Variants in USP33 observed in about 807,000 individuals in gnomAD.
USP33 encodes the protein ubiquitin carboxyl-terminal hydrolase 33.
USP33 carries 46 observed loss-of-function variants against 124.2 expected under a neutral mutation model. The ratio of observed to expected loss-of-function variants is 0.37; its 90% confidence interval spans 0.29 to 0.47. The LOEUF is 0.47. Ranked by LOEUF, USP33 falls within the 20% of genes least tolerant of loss-of-function variation. The pLI, the probability that USP33 is intolerant of heterozygous loss-of-function variation, is 0.99. For missense variants in USP33, 851 were observed against 1,070.6 expected (o/e 0.79, Z 2.86); for synonymous variants, 350 against 352.3 (o/e 0.99, Z 0.07).
rs1389725160 is a variant in USP33, at chr1:77,741,810, CAAAAAATA to C, written c.-51-70_-51-63del. ...ATGCTTACAATGCCTGCAAAGATTC[CAAAAAATA>C]AAAAAATTAAAATGTTAACATATTA... On this transcript the variant is annotated intron_variant, in intron 1 of 23. Transcript: ENST00000370794. The C allele has an allele frequency of 3.6e-6, 5 of 1,395,706 alleles. No homozygotes were observed. In the South Asian group the frequency reaches 7.9e-5, roughly 22 times the overall value. The allele number at this position is 1,395,706 out of a possible 1,614,324, so 86.5% of individuals were successfully genotyped here. A position where few individuals can be genotyped will look rare whatever the true frequency, so the allele number is the denominator to read the frequency against.
rs760468523 is a variant in USP33, at chr1:77,742,656, T to C, written c.-51-908A>G. Among the ~76,000 whole-genome samples the C allele has an allele frequency of 1.4e-4, 22 of 152,294 alleles. No homozygotes were observed. The East Asian group carries it at 3.9e-3, about 27-fold the overall frequency. Reference sequence around the variant, plus strand: ...ATTTGGTATTCCTAGATCTTTTGGTTGTACCTTTTTAATAACAGGGCTTTT... The same window carrying C: ...ATTTGGTATTCCTAGATCTTTTGGTCGTACCTTTTTAATAACAGGGCTTTT... On this transcript the variant is annotated intron_variant, in intron 1 of 23. Coordinates refer to ENST00000370794, the MANE Select transcript of USP33 (RefSeq NM_201624.3).
At chr1:77,717,725 G>A in intron 17 of USP33, 142 bp downstream of exon 17, 2 of 578,092 alleles carry the variant, frequency 3.5e-6, no homozygotes, top group Non-Finnish European at 5.4e-6. Context: ...GCCCAAGCTG[G>A]TCTCAAACTC....
intron 21 of USP33, among the ~76,000 whole-genome samples, chr1:77,707,346 A>G (rs1056940541): frequency 6.6e-6 from 1 of 151,998 alleles, no homozygotes; most frequent in African/African-American, 2.4e-5. Flanking sequence ...GCATCATTCC[A>G]ATCTCTGCCT....
At chr1:77,739,229 G>C in intron 5 of USP33, 36 bp downstream of exon 5, 1 of 1,582,104 alleles carries the variant, frequency 6.3e-7, no homozygotes, top group Non-Finnish European at 8.6e-7. Flanking sequence ...TTACCGGAAT[G>C]TTTTACAGCT....
At chr1:77,706,088 G>A (rs1193076994) in intron 21 of USP33, among the ~76,000 whole-genome samples, 2 of 151,896 alleles carry the variant, frequency 1.3e-5, no homozygotes, top group Non-Finnish European at 2.9e-5. Flanking sequence ...TCCAGTTTTG[G>A]GCAATTATGA....
At position 77,717,985 on chromosome 1, in the gene USP33, G is replaced by T. The variant is rs41313399; in HGVS notation, c.1800C>A (p.Thr600=). The T allele has an allele frequency of 0.027, 43,233 of 1,613,652 alleles. 690 individuals are homozygous for T. Among genetic ancestry groups the T allele is most frequent in the Middle Eastern group, 0.079 (477 of 6,060 alleles). The part of the protein sequence containing the change: ...HELMFSTKIS[T]HVSFPLEGLD... The stretch of plus-strand genomic sequence containing the variant: ...AGCCTTCTAGCGGAAATGAAACATG[G>T]GTACTGATTTTGGTGGAAAACATTA... Residue 600 remains threonine (T), a synonymous_variant, in exon 17 of 24, where the codon ACC becomes ACA. Transcript: ENST00000370794.
rs1676802376 is a variant in USP33, at chr1:77,723,450, T to C, written c.1277-7A>G. On this transcript the variant is annotated splice_region_variant and splice_polypyrimidine_tract_variant and intron_variant, in intron 11 of 23. Transcript: ENST00000370794. ...TTTGGAGATGCAGACTGAGCTAGGA[T>C]TGAAAAACATTAAAAAAAAATCAAA... is the stretch of plus-strand genomic sequence containing the variant. 1.9e-6 allele frequency: 3 copies of C among 1,565,466 alleles called. No individual in the cohort carries two copies. Among genetic ancestry groups the C allele is most frequent in the Non-Finnish European group, 2.6e-6 (3 of 1,152,332 alleles).
At chr1:77,720,289 G>A (rs1676442571) in intron 15 of USP33, 1 of 982,984 alleles carries the variant, frequency 1.0e-6, no homozygotes, top group Non-Finnish European at 1.2e-6. Context: ...TTTGAATATG[G>A]AGGTAGATGC....
intron 1 of USP33, among the ~76,000 whole-genome samples, chr1:77,752,310 T>C (rs1017763353): frequency 6.6e-6 from 1 of 152,046 alleles, no homozygotes; most frequent in Non-Finnish European, 1.5e-5. Context: ...GCTAAATTTT[T>C]GTATTTTTAG....
chr1:77,745,124 A>G (rs1049213443), intron 1 of USP33, among the ~76,000 whole-genome samples: 1 of 152,178 alleles, frequency 6.6e-6, no homozygotes, highest in African/African-American at 2.4e-5. Context: ...GGGTGCATAT[A>G]TATTTAGGAT....
intron 15 of USP33, 21 bp downstream of exon 15, chr1:77,721,151 A>T (rs1324427517): frequency 6.2e-7 from 1 of 1,613,392 alleles, no homozygotes; most frequent in Non-Finnish European, 8.5e-7. Context: ...TGCAATTAAA[A>T]GCACTGTCAA....
intron 1 of USP33, among the ~76,000 whole-genome samples, chr1:77,756,591 G>C (rs1447793256): frequency 6.6e-6 from 1 of 152,142 alleles, no homozygotes; most frequent in Non-Finnish European, 1.5e-5. Flanking sequence ...TTATCAGTGA[G>C]GATTGACTGT....
intron 1 of USP33, among the ~76,000 whole-genome samples, chr1:77,754,789 T>C (rs1407438819): frequency 7.2e-5 from 11 of 152,276 alleles, no homozygotes; most frequent in Admixed American, 5.9e-4. Context: ...TCTAACTGAG[T>C]TCTCTGGCTA....
chr1:77,700,325 C>T (rs1289625474), intron 22 of USP33, among the ~76,000 whole-genome samples: 1 of 152,178 alleles, frequency 6.6e-6, no homozygotes, highest in Non-Finnish European at 1.5e-5. Flanking sequence ...TGAGGCCAGC[C>T]TGGACAATAC....
At chr1:77,749,082 T>TTC in intron 1 of USP33, among the ~76,000 whole-genome samples, 1 of 152,362 alleles carries the variant, frequency 6.6e-6, no homozygotes, top group East Asian at 1.9e-4. Context: ...AACATCCATT[T>TTC]TCTCTTGAAA....
intron 6 of USP33, among the ~76,000 whole-genome samples, chr1:77,734,752 A>G (rs1431874767): frequency 4.6e-5 from 7 of 152,226 alleles, no homozygotes. Flanking sequence ...GAGAAAATTA[A>G]TGACAATGCA....
intron 22 of USP33, among the ~76,000 whole-genome samples, chr1:77,699,655 C>T (rs962358768): frequency 6.6e-6 from 1 of 152,098 alleles, no homozygotes; most frequent in African/African-American, 2.4e-5. Flanking sequence ...AGACCTAGAA[C>T]CAGAAATACC....
intron 12 of USP33, 92 bp downstream of exon 12, chr1:77,723,239 G>T: frequency 2.2e-6 from 2 of 924,700 alleles, no homozygotes; most frequent in South Asian, 1.5e-5. Flanking sequence ...CAATAGCAAA[G>T]AGAAGGAATT....
chr1:77,732,015 G>A (rs1413145059), intron 7 of USP33, among the ~76,000 whole-genome samples: 2 of 150,376 alleles, frequency 1.3e-5, no homozygotes, highest in East Asian at 2.0e-4. Flanking sequence ...GAGGCAGGAA[G>A]AACCCTTGAA....
Sources: gnomAD v4.1 joint callset for allele counts (sites outside exome capture counted in the v4.1 genomes callset) on GRCh38, gnomAD v4.1.1 for gene constraint, MANE v1.5 for transcripts, NCBI Gene and HGNC (gene_info 2026-07-23, HGNC 2026-07-21) for gene names.